The following CEP128 variants were observed in gnomAD, a reference collection of about 807,000 sequenced individuals.
The protein encoded by CEP128 is centrosomal protein 128kDa.
In CEP128, 132 loss-of-function variants were observed where a neutral mutation model predicts 156.7. That is an observed-to-expected ratio of 0.84 (90% CI 0.73 to 0.97). The LOEUF (loss-of-function observed/expected upper bound fraction) is 0.97. Among genes scored for constraint, CEP128 ranks in the 50% least tolerant of loss-of-function variants. The pLI is 0.00. For missense variants in CEP128, 1,252 were observed against 1,281.9 expected, an observed-to-expected ratio of 0.98 and a Z score of 0.36; for synonymous variants, 469 against 448.9, an observed-to-expected ratio of 1.04 and a Z score of -0.57.
rs116221226 is a variant in CEP128, at chr14:80,570,760, G to A, written c.2856+9614C>T. Among the ~76,000 whole-genome samples, 861 of 152,120 alleles carry A rather than the reference G, an allele frequency of 5.7e-3. 7 individuals carry two copies. The highest frequency in any genetic ancestry group is 0.02 in the African/African-American group (823 of 41,514). On this transcript the variant is annotated intron_variant, in intron 20 of 24. Coordinates refer to ENST00000555265, the MANE Select transcript of CEP128 (RefSeq NM_152446.5). ...AATTCTTTTTTTTATTAGCATCAGG[G>A]TGACTTTGTGGTTTTCCATGGTAGA... is the stretch of plus-strand genomic sequence containing the variant.
intron 20 of CEP128, among the ~76,000 whole-genome samples, chr14:80,577,153 A>G (rs911597974): frequency 2.6e-5 from 4 of 152,148 alleles, no homozygotes; most frequent in Admixed American, 2.6e-4. Context: ...TTTCATCCTT[A>G]GCCTGTTGTT....
chr14:80,943,168 G>A (rs1003703294), upstream of CEP128, among the ~76,000 whole-genome samples: 3 of 152,154 alleles, frequency 2.0e-5, no homozygotes, highest in Admixed American at 6.5e-5. Flanking sequence ...ATGTAATTCA[G>A]CAAATGTATG....
intron 21 of CEP128, among the ~76,000 whole-genome samples, chr14:80,534,889 G>A (rs116839576): frequency 0.013 from 1,903 of 150,180 alleles, 40 homozygotes; most frequent in African/African-American, 0.044. Flanking sequence ...CATATGACAC[G>A]TGCTTAATTT....
Position 80,920,048 on chromosome 14 carries a change from G to A in CEP128, c.-15-3486C>T, listed in dbSNP as rs1019766095. ...CTAAGTTTCATAAATGTTAAACTAA[G>A]TAAAATTTTTAAATCTCATTATAAT... On this transcript the variant is annotated intron_variant, in intron 2 of 24. Coordinates refer to ENST00000555265, the MANE Select transcript of CEP128 (RefSeq NM_152446.5). 1.7e-4 allele frequency among the ~76,000 whole-genome samples: 26 copies of A among 152,082 alleles called. 1 individual carries two copies. Among genetic ancestry groups the A allele is most frequent in the Admixed American group, 1.4e-3 (22 of 15,260 alleles).
At chr14:80,600,979 T>C (rs796878809) in intron 19 of CEP128, among the ~76,000 whole-genome samples, 1 of 151,666 alleles carries the variant, frequency 6.6e-6, no homozygotes, top group African/African-American at 2.4e-5. Context: ...AACTGAAGAA[T>C]ATACATGAAG....
intron 21 of CEP128, among the ~76,000 whole-genome samples, chr14:80,544,633 G>C (rs1479026513): frequency 6.6e-6 from 1 of 152,068 alleles, no homozygotes; most frequent in Non-Finnish European, 1.5e-5. Flanking sequence ...GACATACTTT[G>C]GGCAATATAA....
At chr14:80,585,828 T>C (rs1434646273) in intron 19 of CEP128, among the ~76,000 whole-genome samples, 1 of 152,228 alleles carries the variant, frequency 6.6e-6, no homozygotes, top group Non-Finnish European at 1.5e-5. Flanking sequence ...AAATTTATGA[T>C]ATTTCTATTT....
At chr14:80,820,216 G>C (rs1885089634) in intron 13 of CEP128, among the ~76,000 whole-genome samples, 1 of 152,268 alleles carries the variant, frequency 6.6e-6, no homozygotes, top group South Asian at 2.1e-4. Flanking sequence ...TATCTGAAGA[G>C]TCTATATGCC....
chr14:80,549,296 C>T (rs1357387580), intron 21 of CEP128, among the ~76,000 whole-genome samples: 2 of 152,138 alleles, frequency 1.3e-5, no homozygotes. Flanking sequence ...AACCTTTTTC[C>T]GGTTTCAGTT....
chr14:80,610,200 T>G (rs867794159), intron 19 of CEP128, among the ~76,000 whole-genome samples: 3 of 152,238 alleles, frequency 2.0e-5, no homozygotes, highest in African/African-American at 7.2e-5. Flanking sequence ...CAAAACCATT[T>G]ATAGAATTAT....
intron 19 of CEP128, among the ~76,000 whole-genome samples, chr14:80,615,420 A>G (rs1221421443): frequency 6.6e-6 from 1 of 152,198 alleles, no homozygotes; most frequent in African/African-American, 2.4e-5. Flanking sequence ...CAGGCAGTCT[A>G]TCAGCAGCTA....
chr14:80,767,746 G>A (rs568522379), intron 16 of CEP128, among the ~76,000 whole-genome samples: 3 of 152,260 alleles, frequency 2.0e-5, no homozygotes, highest in African/African-American at 7.2e-5. Flanking sequence ...AAGAGCATGT[G>A]AGAGCCTTAG....
chr14:80,643,720 T>C (rs1894518512), intron 19 of CEP128, among the ~76,000 whole-genome samples: 1 of 71,302 alleles, frequency 1.4e-5, no homozygotes, highest in Non-Finnish European at 2.7e-5. Context: ...AAAAAAATCG[T>C]GGTGGTACAT....
At chr14:80,558,137 T>C (rs947755634) in intron 21 of CEP128, among the ~76,000 whole-genome samples, 1 of 152,204 alleles carries the variant, frequency 6.6e-6, no homozygotes, top group African/African-American at 2.4e-5. Flanking sequence ...CTGTTCTTTT[T>C]TTATATGCCT....
chr14:80,924,907 C>T (rs1357665471), intron 2 of CEP128, among the ~76,000 whole-genome samples: 1 of 151,912 alleles, frequency 6.6e-6, no homozygotes, highest in Non-Finnish European at 1.5e-5. Context: ...GAATGGTGAG[C>T]ACCTAAGACA....
At chr14:80,514,963 C>T (rs1378667529) in intron 23 of CEP128, among the ~76,000 whole-genome samples, 1 of 152,204 alleles carries the variant, frequency 6.6e-6, no homozygotes, top group Non-Finnish European at 1.5e-5. Context: ...AGCCCAGTAT[C>T]ACTGTGAGTC....
intron 8 of CEP128, among the ~76,000 whole-genome samples, chr14:80,872,966 T>C (rs1888102529): frequency 1.3e-5 from 2 of 152,158 alleles, no homozygotes; most frequent in Non-Finnish European, 1.5e-5. Flanking sequence ...CATAAGAAAT[T>C]TGAGATGCCC....
At chr14:80,713,434 T>C (rs1007850270) in intron 19 of CEP128, among the ~76,000 whole-genome samples, 3 of 152,046 alleles carry the variant, frequency 2.0e-5, no homozygotes, top group Non-Finnish European at 4.4e-5. Flanking sequence ...GGCTGTTTGT[T>C]TGTCTACTTC....
intron 19 of CEP128, among the ~76,000 whole-genome samples, chr14:80,600,124 CCTTGAAG>C (rs1892519490): frequency 6.6e-6 from 1 of 152,024 alleles, no homozygotes; most frequent in South Asian, 2.1e-4. Context: ...CAGTGGGACA[CCTTGAAG>C]TATACCAACA....
Sources: gnomAD v4.1 joint callset for allele counts (sites outside exome capture counted in the v4.1 genomes callset) on GRCh38, gnomAD v4.1.1 for gene constraint, MANE v1.5 for transcripts, NCBI Gene and HGNC (gene_info 2026-07-23, HGNC 2026-07-21) for gene names.